Variants in FOXJ3 observed in about 807,000 individuals in gnomAD.
FOXJ3 encodes the protein forkhead box protein J3.
A neutral mutation model predicts 76.1 loss-of-function variants in FOXJ3; 22 were observed. That is an observed-to-expected ratio of 0.29 (90% CI 0.21 to 0.41). The LOEUF (loss-of-function observed/expected upper bound fraction) is 0.41, where lower values mean the gene tolerates loss of function less well. Among genes scored for constraint, FOXJ3 ranks in the 10% least tolerant of loss-of-function variants. The pLI is 1.00. For synonymous variants in FOXJ3, 269 were observed against 261.2 expected (o/e 1.03, Z -0.29); for missense variants, 613 against 762.1 (o/e 0.80, Z 2.30).
chr1:42,182,858 G>A (rs1345319769), intron 11 of FOXJ3, among the ~76,000 whole-genome samples: 1 of 151,934 alleles, frequency 6.6e-6, no homozygotes, highest in East Asian at 1.9e-4. Context: ...TCTCACCCTC[G>A]AAGCAGGCCT....
At chr1:42,274,502 C>T (rs554043882) in intron 3 of FOXJ3, among the ~76,000 whole-genome samples, 1 of 152,278 alleles carries the variant, frequency 6.6e-6, no homozygotes, top group Admixed American at 6.5e-5. Context: ...TCTACCAAGT[C>T]TGGTACCAAA....
rs1361533369 is a variant in FOXJ3 at position 42,199,132 on chromosome 1, G to A, written c.729C>T (p.Asn243=). The part of the protein sequence containing the change: ...SDQSLASVNL[N]SVGSVHSYTP... ...TATAACTATGCACACTTCCAACACT[G>A]TTCAAATTAACAGATGCCAAACTCT... The change falls in exon 7 of 13, where the codon AAC becomes AAT. Residue 243 remains asparagine (N), a synonymous_variant. Coordinates refer to ENST00000361346, the MANE Select transcript of FOXJ3 (RefSeq NM_014947.5). 1.2e-6 allele frequency: 2 copies of A among 1,613,580 alleles called. No homozygotes were observed. The highest frequency in any genetic ancestry group is 1.7e-5 in the Admixed American group (1 of 60,022).
intron 4 of FOXJ3, among the ~76,000 whole-genome samples, chr1:42,246,011 C>G (rs1490470395): frequency 1.3e-5 from 2 of 151,872 alleles, no homozygotes; most frequent in African/African-American, 4.8e-5. Flanking sequence ...AAATTCAACT[C>G]GAAATGGATT....
chr1:42,196,991 T>C (rs1646663816), intron 7 of FOXJ3, among the ~76,000 whole-genome samples: 1 of 152,208 alleles, frequency 6.6e-6, no homozygotes, highest in African/African-American at 2.4e-5. Context: ...CATTATTATT[T>C]AATTTAATTA....
chr1:42,292,800 T>TA lies in FOXJ3; in HGVS notation c.45-14129dup, dbSNP rs141750508. Among the ~76,000 whole-genome samples the TA allele has an allele frequency of 7.1e-3, 1,081 of 152,272 alleles. 21 individuals are homozygous for TA. Among genetic ancestry groups the TA allele is most frequent in the African/African-American group, 0.025 (1,044 of 41,548 alleles). ...AATTACATCTCAGTGAAGCTGTTTT[T>TA]AAAAAACAAATATTTGTGGGCTCAG... On this transcript the variant is annotated intron_variant, in intron 2 of 12. Transcript: ENST00000361346.
intron 1 of FOXJ3, among the ~76,000 whole-genome samples, chr1:42,330,879 C>G (rs2124797551): frequency 6.6e-6 from 1 of 152,206 alleles, no homozygotes; most frequent in East Asian, 1.9e-4. Flanking sequence ...GCCTTTATCA[C>G]AGGGTTGTTG....
Position 42,237,476 on chromosome 1 carries a change from GTA to G in FOXJ3, c.445-9512_445-9511del, listed in dbSNP as rs147120265. 1.0e-2 allele frequency among the ~76,000 whole-genome samples: 1,329 copies of G among 133,514 alleles called. 14 individuals carry two copies. Among genetic ancestry groups the G allele is most frequent in the African/African-American group, 0.031 (1,134 of 36,530 alleles). The allele number at this position is 133,514 out of a possible 152,430, so 87.6% of individuals were successfully genotyped here. A position where few individuals can be genotyped will look rare whatever the true frequency, so the allele number is the denominator to read the frequency against. The stretch of plus-strand genomic sequence containing the variant: ...CACATACATACATATACATATATAT[GTA>G]TATATATATATATGGGCTATTTCTG... On this transcript the variant is annotated intron_variant, in intron 4 of 12. Coordinates refer to ENST00000361346, the MANE Select transcript of FOXJ3 (RefSeq NM_014947.5).
intron 4 of FOXJ3, among the ~76,000 whole-genome samples, chr1:42,248,696 A>G (rs1226642248): frequency 1.4e-5 from 2 of 141,192 alleles, no homozygotes; most frequent in East Asian, 4.2e-4. Flanking sequence ...AGCCAGTGAT[A>G]TTGTCCAGAA....
At chr1:42,251,879 C>T (rs1191749357) in intron 4 of FOXJ3, among the ~76,000 whole-genome samples, 10 of 151,732 alleles carry the variant, frequency 6.6e-5, no homozygotes, top group African/African-American at 1.2e-4. Flanking sequence ...CCACCATGCC[C>T]GGCTAATTTT....
intron 5 of FOXJ3, among the ~76,000 whole-genome samples, chr1:42,208,569 C>G (rs1646904417): frequency 6.6e-6 from 1 of 152,152 alleles, no homozygotes; most frequent in African/African-American, 2.4e-5. Context: ...TATAATAAGT[C>G]CATAGCTAAC....
intron 4 of FOXJ3, among the ~76,000 whole-genome samples, chr1:42,253,564 T>C (rs1353162764): frequency 1.3e-5 from 2 of 150,682 alleles, no homozygotes; most frequent in South Asian, 2.1e-4. Context: ...CTTCAAACTA[T>C]ACTACAAGGC....
intron 1 of FOXJ3, chr1:42,334,083 C>T: frequency 1.1e-6 from 1 of 873,238 alleles, no homozygotes; most frequent in Middle Eastern, 5.9e-4. Flanking sequence ...AATAGTAAAA[C>T]CTTTGCTAAC....
intron 2 of FOXJ3, among the ~76,000 whole-genome samples, chr1:42,300,154 C>T (rs1295196135): frequency 1.3e-5 from 2 of 151,882 alleles, no homozygotes; most frequent in African/African-American, 2.4e-5. Flanking sequence ...GAGCCGAGAT[C>T]GTGCCACTAC....
chr1:42,280,417 A>G, intron 2 of FOXJ3: 1 of 477,512 alleles, frequency 2.1e-6, no homozygotes, highest in South Asian at 8.8e-5. Flanking sequence ...AAATTCATCC[A>G]TATAGCATCT....
chr1:42,271,689 A>G (rs566492512), intron 3 of FOXJ3, among the ~76,000 whole-genome samples: 39 of 152,082 alleles, frequency 2.6e-4, no homozygotes, highest in African/African-American at 8.7e-4. Flanking sequence ...TCGCTCTGTC[A>G]CCAGGCTGCA....
At chr1:42,237,160 G>T (rs757184856) in intron 4 of FOXJ3, among the ~76,000 whole-genome samples, 1 of 151,864 alleles carries the variant, frequency 6.6e-6, no homozygotes, top group Admixed American at 6.6e-5. Flanking sequence ...TGGATCACGA[G>T]GTAAGGAGAT....
chr1:42,311,642 T>TA (rs1401844248), intron 1 of FOXJ3, among the ~76,000 whole-genome samples: 7 of 46,432 alleles, frequency 1.5e-4, no homozygotes, highest in East Asian at 6.7e-4. Flanking sequence ...TCCATTGCTT[T>TA]AAAAAAAAAG....
chr1:42,205,618 T>A (rs1646846184), intron 6 of FOXJ3, 144 bp downstream of exon 6: 2 of 604,416 alleles, frequency 3.3e-6, no homozygotes, highest in African/African-American at 1.9e-5. Context: ...ACATTCTGAA[T>A]TTAGCCTTCA....
At position 42,222,093 on chromosome 1, in the gene FOXJ3, GAA is replaced by G. The variant is rs1486196741; in HGVS notation, c.528+5788_528+5789del. Among the ~76,000 whole-genome samples, 62 of 144,816 alleles carry G rather than the reference GAA, an allele frequency of 4.3e-4. 1 individual carries two copies. In the East Asian group the frequency reaches 0.011, roughly 26 times the overall value. On this transcript the variant is annotated intron_variant, in intron 5 of 12. Transcript: ENST00000361346. ...AGAAGAAGAAGAAGAAGAAGAAGAA[GAA>G]GAAGAAGAAGAAGAAATAAAAAGTT... is the stretch of plus-strand genomic sequence containing the variant.
Sources: gnomAD v4.1 joint callset for allele counts (sites outside exome capture counted in the v4.1 genomes callset) on GRCh38, gnomAD v4.1.1 for gene constraint, MANE v1.5 for transcripts, NCBI Gene and HGNC (gene_info 2026-07-23, HGNC 2026-07-21) for gene names.